COMT: variants seen among roughly 807,000 people sequenced by gnomAD.
COMT encodes catechol O-methyltransferase.
COMT carries 13 observed loss-of-function variants against 18.9 expected under a neutral mutation model. The ratio of observed to expected loss-of-function variants is 0.69; its 90% CI spans 0.45 to 1.09. The LOEUF (loss-of-function observed/expected upper bound fraction) is 1.09, where lower values mean the gene tolerates loss of function less well. Among genes scored for constraint, COMT ranks in the 50% least tolerant of loss-of-function variants. COMT has a pLI of 0.00. For synonymous variants in COMT, 150 were observed against 160.9 expected, an observed-to-expected ratio of 0.93 and a Z score of 0.51; for missense variants, 329 against 361.8, an observed-to-expected ratio of 0.91 and a Z score of 0.73.
At chr22:19,945,828 G>C (rs1319459276) in intron 1 of COMT, among the ~76,000 whole-genome samples, 1 of 152,064 alleles carries the variant, frequency 6.6e-6, no homozygotes, top group Non-Finnish European at 1.5e-5. Context: ...ACCACGCCCG[G>C]CTAATTTTTT....
At position 19,952,671 on chromosome 22, in the gene COMT, A is replaced by C. The variant is rs539583599; in HGVS notation, c.-91-8528A>C. 1.9e-4 allele frequency among the ~76,000 whole-genome samples: 28 copies of C among 145,424 alleles called. 1 individual carries two copies. The East Asian group carries it at 5.3e-3, about 27-fold the overall frequency. ...AACAAAACAACAACAAAAAAAAAAC[A>C]GCCGAGCGCAGTGGCTCACGCCTGT... On this transcript the variant is annotated intron_variant, in intron 1 of 5. Coordinates refer to ENST00000361682, the MANE Select transcript of COMT (RefSeq NM_000754.4).
intron 5 of COMT, among the ~76,000 whole-genome samples, chr22:19,966,506 T>C (rs923175866): frequency 6.7e-6 from 1 of 149,700 alleles, no homozygotes; most frequent in African/African-American, 2.5e-5. Context: ...AGTGATGACA[T>C]CATAGCTCAC....
intron 3 of COMT, 75 bp downstream of exon 3, chr22:19,962,890 A>G: frequency 6.6e-7 from 1 of 1,525,308 alleles, no homozygotes. Flanking sequence ...TTACAGGAGA[A>G]GCTGTTATCA....
At chr22:19,946,191 A>G (rs1941832841) in intron 1 of COMT, among the ~76,000 whole-genome samples, 1 of 152,108 alleles carries the variant, frequency 6.6e-6, no homozygotes, top group African/African-American at 2.4e-5. Context: ...CTCAAAGTTA[A>G]GAAATGCTGT....
intron 2 of COMT, 51 bp downstream of exon 2, chr22:19,961,340 G>C (rs165656): frequency 0.48 from 72,951 of 152,196 alleles, 17,701 homozygotes; most frequent in Non-Finnish European, 0.52. Context: ...TACAGATTCC[G>C]GCCCGGTGCA....
chr22:19,948,420 C>T (rs1183596325), intron 1 of COMT, among the ~76,000 whole-genome samples: 2 of 152,106 alleles, frequency 1.3e-5, no homozygotes, highest in African/African-American at 2.4e-5. Context: ...TTTGGGAGTC[C>T]GAGGAGGGAG....
At chr22:19,967,101 C>A in intron 5 of COMT, 12 of 1,267,830 alleles carry the variant, frequency 9.5e-6, no homozygotes, top group Non-Finnish European at 1.2e-5. Context: ...CCCTGGCAGC[C>A]TCCAAAGGTG....
chr22:19,964,594 A>G, intron 5 of COMT: 1 of 607,348 alleles, frequency 1.6e-6, no homozygotes, highest in Non-Finnish European at 2.9e-6. Flanking sequence ...CCCAGACCAG[A>G]CACCAGGGCA....
intron 1 of COMT, among the ~76,000 whole-genome samples, chr22:19,943,121 G>A (rs1407212452): frequency 1.3e-5 from 2 of 152,188 alleles, no homozygotes. Context: ...CCAGGGTGAG[G>A]CCCAGTGGAG....
chr22:19,965,653 C>T (rs174696), intron 5 of COMT: 94,751 of 151,462 alleles, frequency 0.63, 31,662 homozygotes, highest in Non-Finnish European at 0.78. Context: ...TTCCAGCTTT[C>T]AAAACAACAA....
intron 1 of COMT, among the ~76,000 whole-genome samples, chr22:19,945,266 G>A (rs1047356006): frequency 2.6e-5 from 4 of 152,154 alleles, no homozygotes; most frequent in South Asian, 2.1e-4. Flanking sequence ...ATTTGGAAGT[G>A]ACTTTCCTTA....
intron 1 of COMT, among the ~76,000 whole-genome samples, chr22:19,959,155 T>C (rs1942132894): frequency 6.6e-6 from 1 of 152,210 alleles, no homozygotes; most frequent in African/African-American, 2.4e-5. Context: ...AAGGAGCTGT[T>C]CCTTTTCCCC....
chr22:19,958,552 T>G (rs575127177), intron 1 of COMT, among the ~76,000 whole-genome samples: 9 of 142,812 alleles, frequency 6.3e-5, no homozygotes, highest in Admixed American at 1.5e-4. Context: ...CATCACATCC[T>G]TGCTAACACT....
At chr22:19,945,353 C>G (rs1177826920) in intron 1 of COMT, among the ~76,000 whole-genome samples, 2 of 152,204 alleles carry the variant, frequency 1.3e-5, no homozygotes, top group Non-Finnish European at 2.9e-5. Context: ...AGCAATGGCT[C>G]CACAAAGTCA....
At chr22:19,962,504 G>GCGCCCC in intron 2 of COMT, 23 bp from the exon 3 acceptor site, 2 of 1,542,728 alleles carry the variant, frequency 1.3e-6, no homozygotes. Flanking sequence ...GAGCACTGGC[G>GCGCCCC]CCCCTCCCCT....
chr22:19,963,833 C>T, intron 4 of COMT, 74 bp downstream of exon 4: 1 of 1,510,420 alleles, frequency 6.6e-7, no homozygotes, highest in Non-Finnish European at 8.9e-7. Flanking sequence ...CGCACTTTGT[C>T]CTCCCCACCA....
chr22:19,944,656 C>T (rs1369624380), intron 1 of COMT, among the ~76,000 whole-genome samples: 5 of 152,216 alleles, frequency 3.3e-5, no homozygotes, highest in Non-Finnish European at 7.4e-5. Flanking sequence ...AACCCCATCT[C>T]TACTAAAAAT....
intron 1 of COMT, among the ~76,000 whole-genome samples, chr22:19,957,757 G>A (rs546486072): frequency 9.2e-5 from 14 of 152,300 alleles, no homozygotes; most frequent in East Asian, 1.9e-4. Flanking sequence ...ACCATCAGCC[G>A]TTTCACAGAG....
Position 19,953,898 on chromosome 22 carries a change from T to C in COMT, c.-91-7301T>C, listed in dbSNP as rs115419248. ...GCAGGTGCCAAGGCAGAATCGGATGTGACCAGGAGAACACCCTTGAAGGAT... is the reference window on the plus strand; with the variant it reads ...GCAGGTGCCAAGGCAGAATCGGATGCGACCAGGAGAACACCCTTGAAGGAT... On this transcript the variant is annotated intron_variant, in intron 1 of 5. Coordinates refer to ENST00000361682, the MANE Select transcript of COMT (RefSeq NM_000754.4). 3.1e-3 allele frequency among the ~76,000 whole-genome samples: 477 copies of C among 152,120 alleles called. 3 individuals are homozygous for C. Among genetic ancestry groups the C allele is most frequent in the African/African-American group, 0.011 (450 of 41,494 alleles).
Sources: gnomAD v4.1 joint callset for allele counts (sites outside exome capture counted in the v4.1 genomes callset) on GRCh38, gnomAD v4.1.1 for gene constraint, MANE v1.5 for transcripts, NCBI Gene and HGNC (gene_info 2026-07-23, HGNC 2026-07-21) for gene names.